Variants in TIAM1 observed in about 807,000 individuals in gnomAD.
TIAM1 encodes the protein TIAM Rac1 associated GEF 1, also known as rho guanine nucleotide exchange factor TIAM1.
A neutral mutation model predicts 163.5 loss-of-function variants in TIAM1; 65 were observed. The observed-to-expected ratio is 0.40, with a 90% confidence interval of 0.33 to 0.49. TIAM1 has a LOEUF of 0.49. TIAM1 is among the 20% of genes least tolerant of loss of function. The pLI, the probability that TIAM1 is intolerant of heterozygous loss-of-function variation, is 0.77. For missense variants in TIAM1, 1,789 were observed against 2,044.7 expected (o/e 0.87, Z 2.41); for synonymous variants, 833 against 810.1 (o/e 1.03, Z -0.48).
intron 19 of TIAM1, among the ~76,000 whole-genome samples, chr21:31,151,855 G>A (rs1330485723): frequency 6.6e-6 from 1 of 151,968 alleles, no homozygotes; most frequent in East Asian, 1.9e-4. Context: ...GCAGGGGAGA[G>A]GAAATAAGCA....
At chr21:31,261,494 C>T (rs757091241) in intron 4 of TIAM1, among the ~76,000 whole-genome samples, 5 of 151,914 alleles carry the variant, frequency 3.3e-5, no homozygotes, top group East Asian at 3.9e-4. Flanking sequence ...GGAAGATCAC[C>T]GGAGATCAGG....
At chr21:31,219,430 C>T (rs2087418865) in intron 8 of TIAM1, among the ~76,000 whole-genome samples, 1 of 152,136 alleles carries the variant, frequency 6.6e-6, no homozygotes, top group Non-Finnish European at 1.5e-5. Context: ...ACAGGCAACT[C>T]CCAATGTGAC....
At chr21:31,476,046 T>C (rs920429214) in intron 1 of TIAM1, among the ~76,000 whole-genome samples, 1 of 152,208 alleles carries the variant, frequency 6.6e-6, no homozygotes, top group Non-Finnish European at 1.5e-5. Flanking sequence ...ATATAAATCA[T>C]CTTCAATTAA....
At chr21:31,277,474 C>T (rs901627333) in intron 2 of TIAM1, among the ~76,000 whole-genome samples, 1 of 152,126 alleles carries the variant, frequency 6.6e-6, no homozygotes, top group African/African-American at 2.4e-5. Flanking sequence ...GGTGAAACCC[C>T]ATCTTTACTA....
At chr21:31,217,508 G>A (rs1203702394) in intron 9 of TIAM1, 45 bp downstream of exon 9, 5 of 1,593,528 alleles carry the variant, frequency 3.1e-6, no homozygotes, top group Non-Finnish European at 4.3e-6. Context: ...GGTGGCCACA[G>A]AAGTGATTTG....
chr21:31,287,658 C>T (rs2073861610), intron 2 of TIAM1, among the ~76,000 whole-genome samples: 1 of 152,018 alleles, frequency 6.6e-6, no homozygotes, highest in Non-Finnish European at 1.5e-5. Flanking sequence ...AGGGTATAAG[C>T]AAAGACTCTG....
chr21:31,399,674 T>C (rs1219791950), intron 2 of TIAM1, among the ~76,000 whole-genome samples: 1 of 152,346 alleles, frequency 6.6e-6, no homozygotes, highest in East Asian at 1.9e-4. Flanking sequence ...AGAGGTGTTA[T>C]CTGAAATTTT....
At chr21:31,323,539 T>G (rs1347874870) in intron 2 of TIAM1, among the ~76,000 whole-genome samples, 1 of 151,516 alleles carries the variant, frequency 6.6e-6, no homozygotes, top group Non-Finnish European at 1.5e-5. Context: ...TATAAAAAAT[T>G]TAAAAATTAG....
At chr21:31,210,769 A>AGAAG (rs2086825617) in intron 10 of TIAM1, among the ~76,000 whole-genome samples, 1 of 138,716 alleles carries the variant, frequency 7.2e-6, no homozygotes, top group African/African-American at 3.2e-5. Context: ...AAAGAAAGAA[A>AGAAG]GAAAGAAAGA....
At position 31,181,756 on chromosome 21, in the gene TIAM1, C is replaced by CTTTTTTT. The variant is rs781153297; in HGVS notation, c.2887+658_2887+664dup. ...CCCAGCACTTCTTCTTCTTCTTCTT[C>CTTTTTTT]TTTTTTTTTTTTTTTTTTTTTTTTT... On this transcript the variant is annotated intron_variant, in intron 15 of 27. Coordinates refer to ENST00000541036, the MANE Select transcript of TIAM1 (RefSeq NM_001353694.2). 2.7e-4 allele frequency among the ~76,000 whole-genome samples: 11 copies of CTTTTTTT among 41,344 alleles called. 4 individuals carry two copies. Among genetic ancestry groups the CTTTTTTT allele is most frequent in the Non-Finnish European group, 3.2e-4 (6 of 18,804 alleles). The allele number at this position is 41,344 out of a possible 152,430, so 27.1% of individuals were successfully genotyped here.
chr21:31,532,811 G>A (rs997926918), intron 1 of TIAM1, among the ~76,000 whole-genome samples: 1 of 152,172 alleles, frequency 6.6e-6, no homozygotes, highest in African/African-American at 2.4e-5. Flanking sequence ...AGCCCGTGTG[G>A]TGGCGCATGC....
In TIAM1 at chr21:31,118,613, T is replaced by C. The variant is rs948210614; in HGVS notation, c.*1755A>G. The C allele has an allele frequency of 2.1e-6, 1 of 471,356 alleles. No individual in the cohort carries two copies. Among genetic ancestry groups the C allele is most frequent in the Non-Finnish European group, 4.4e-6 (1 of 227,072 alleles). 29.2% of individuals were successfully genotyped at this position (471,356 alleles called of 1,614,324 possible). A position where few individuals can be genotyped will look rare whatever the true frequency, so the allele number is the denominator to read the frequency against. ...AGACTTCCGAGTGTTTTCAGATGGA[T>C]GTGTTGCACTGGAGCCAGTAAATGC... On this transcript the variant is annotated 3_prime_UTR_variant, in exon 28 of 28. Coordinates refer to ENST00000541036, the MANE Select transcript of TIAM1 (RefSeq NM_001353694.2).
chr21:31,312,179 A>G (rs2074954444), intron 2 of TIAM1, among the ~76,000 whole-genome samples: 1 of 152,172 alleles, frequency 6.6e-6, no homozygotes, highest in Non-Finnish European at 1.5e-5. Flanking sequence ...GAGGGACTTC[A>G]CCTTGTGACA....
At chr21:31,145,510 A>C (rs540465569) in intron 20 of TIAM1, among the ~76,000 whole-genome samples, 41 of 152,284 alleles carry the variant, frequency 2.7e-4, no homozygotes, top group South Asian at 2.1e-3. Context: ...ATGTTTCCTT[A>C]ATCCTTTTAC....
chr21:31,538,123 G>A (rs893147676), intron 1 of TIAM1, among the ~76,000 whole-genome samples: 3 of 152,182 alleles, frequency 2.0e-5, no homozygotes, highest in Non-Finnish European at 2.9e-5. Flanking sequence ...AGCATGTTCT[G>A]TTTCTAGATC....
chr21:31,419,083 A>G (rs1037242291), intron 2 of TIAM1, among the ~76,000 whole-genome samples: 3 of 152,106 alleles, frequency 2.0e-5, no homozygotes, highest in African/African-American at 7.2e-5. Flanking sequence ...CTCTGGAATC[A>G]ACTCAGCCTG....
chr21:31,260,477 G>T (rs2072399367), intron 4 of TIAM1, among the ~76,000 whole-genome samples: 1 of 151,592 alleles, frequency 6.6e-6, no homozygotes, highest in African/African-American at 2.4e-5. Context: ...GACCTGAAAT[G>T]ACCTGCCCAC....
chr21:31,427,290 T>G (rs547118749), intron 2 of TIAM1, among the ~76,000 whole-genome samples: 19 of 152,100 alleles, frequency 1.2e-4, no homozygotes, highest in Admixed American at 1.0e-3. Flanking sequence ...ATCGAGACCA[T>G]CCTGGCTAAT....
chr21:31,214,439 C>T (rs1399760625), intron 9 of TIAM1, among the ~76,000 whole-genome samples: 2 of 152,260 alleles, frequency 1.3e-5, no homozygotes, highest in East Asian at 3.9e-4. Context: ...AGCATTTCTC[C>T]TATAGCCTCA....
Sources: gnomAD v4.1 joint callset for allele counts (sites outside exome capture counted in the v4.1 genomes callset) on GRCh38, gnomAD v4.1.1 for gene constraint, MANE v1.5 for transcripts, NCBI Gene and HGNC (gene_info 2026-07-23, HGNC 2026-07-21) for gene names.